RPUSD3: variants seen among roughly 807,000 people sequenced by gnomAD.
RPUSD3 encodes the protein mitochondrial mRNA pseudouridine synthase RPUSD3.
Under a neutral mutation model 35.1 loss-of-function variants are expected in RPUSD3, and 36 were observed. The ratio of observed to expected loss-of-function variants is 1.02; its 90% CI spans 0.79 to 1.35. The LOEUF (loss-of-function observed/expected upper bound fraction) is 1.35. RPUSD3 is among the 40% of genes most tolerant of loss of function. The pLI is 0.00. For synonymous variants in RPUSD3, 202 were observed against 187.8 expected, an observed-to-expected ratio of 1.08 and a Z score of -0.62; for missense variants, 486 against 441.9, an observed-to-expected ratio of 1.10 and a Z score of -0.89.
chr3:9,842,130 T>C (rs1165960006), intron 3 of RPUSD3, 48 bp from the exon 4 acceptor site: 6 of 1,611,892 alleles, frequency 3.7e-6, no homozygotes, highest in Non-Finnish European at 3.4e-6. Context: ...CTTCATGCCT[T>C]CACTTTTCCC....
chr3:9,840,085 T>G (rs1420740714), intron 7 of RPUSD3, 99 bp downstream of exon 7: 3 of 1,472,980 alleles, frequency 2.0e-6, no homozygotes, highest in Non-Finnish European at 2.7e-6. Flanking sequence ...TTTCACCATC[T>G]TGGCCAGACT....
chr3:9,838,155 G>A, exon 9 of RPUSD3: 1 of 1,612,202 alleles, frequency 6.2e-7, no homozygotes. Context: ...GGGCAGCTGG[G>A]CAGCCTGGGA....
At position 9,843,987 on chromosome 3, in the gene RPUSD3, C is replaced by T. The variant is rs753746703; in HGVS notation, c.28G>A (p.Asp10Asn). ...AACCGGCCCAAAACACGGCGGCCGTCCATCTCCCGAGCCAGGACAGCGCGC... is the reference window on the plus strand; with the variant it reads ...AACCGGCCCAAAACACGGCGGCCGTTCATCTCCCGAGCCAGGACAGCGCGC... The change falls in exon 1 of 9, where the codon GAC becomes AAC. Residue 10 changes from aspartate (D) to asparagine (N), a missense_variant. By Grantham distance (23) the Asp-to-Asn change is conservative. Coordinates refer to ENST00000383820, the Ensembl canonical transcript of RPUSD3. The T allele has an allele frequency of 2.5e-6, 4 of 1,598,412 alleles. No individual in the cohort carries two copies. The African/African-American group carries it at 4.0e-5, about 16-fold the overall frequency.
Position 9,839,986 on chromosome 3 carries a change from T to A in RPUSD3, c.724+198A>T, listed in dbSNP as rs959593313. The A allele has an allele frequency of 9.2e-6, 5 of 542,958 alleles. No homozygotes were observed. The African/African-American group carries it at 9.7e-5, about 10-fold the overall frequency. 33.6% of individuals were successfully genotyped at this position (542,958 alleles called of 1,614,324 possible). ...ACTTCTGCCTCCCAGGTTCAAGCGA[T>A]TCTCCTGCCTCAGCCTCCCGAGTAG... is the stretch of plus-strand genomic sequence containing the variant. On this transcript the variant is annotated intron_variant, in intron 7 of 8. Coordinates refer to ENST00000383820, the Ensembl canonical transcript of RPUSD3.
exon 6 of RPUSD3, chr3:9,840,536 T>C: frequency 1.2e-6 from 2 of 1,614,056 alleles, no homozygotes; most frequent in Non-Finnish European, 1.7e-6. Flanking sequence ...ACTCACGAGA[T>C]TGACCCCATC....
intron 7 of RPUSD3, 40 bp downstream of exon 7, chr3:9,840,144 C>G (rs1222683791): frequency 6.3e-7 from 1 of 1,592,752 alleles, no homozygotes; most frequent in Non-Finnish European, 8.6e-7. Flanking sequence ...CCTCCCAAAT[C>G]AAGTGCAGTT....
Position 9,840,449 on chromosome 3 carries a change from C to T in RPUSD3, c.600+83G>A, listed in dbSNP as rs568679847. The T allele has an allele frequency of 2.6e-5, 42 of 1,594,412 alleles. No individual in the cohort carries two copies. In the East Asian group the frequency reaches 9.4e-4, roughly 36 times the overall value. On this transcript the variant is annotated intron_variant, in intron 6 of 8. Coordinates refer to ENST00000383820, the Ensembl canonical transcript of RPUSD3. Reference sequence around the variant, plus strand: ...TGTTTTAGGGGACAGGAGAGCCAGCCATCCCAAATCCATACCCCTGACTCC... The same window carrying T: ...TGTTTTAGGGGACAGGAGAGCCAGCTATCCCAAATCCATACCCCTGACTCC...
intron 4 of RPUSD3, chr3:9,841,653 T>A (rs1246761389): frequency 5.2e-6 from 1 of 192,260 alleles, no homozygotes; most frequent in African/African-American, 2.3e-5. Context: ...TTGTTGTTTT[T>A]CCAGAGATGG....
chr3:9,840,904 AAC>A, intron 4 of RPUSD3, 99 bp from the exon 5 acceptor site: 1 of 779,656 alleles, frequency 1.3e-6, no homozygotes, highest in Non-Finnish European at 2.1e-6. Context: ...GCCAAACACT[AAC>A]ACCAGGACTA....
chr3:9,843,677 C>A (rs756621658), intron 1 of RPUSD3, 76 bp from the exon 2 acceptor site: 51 of 1,571,596 alleles, frequency 3.2e-5, no homozygotes, highest in Non-Finnish European at 4.1e-5. Context: ...GACGCCTCTT[C>A]CCAAATCCTG....
rs573825288 is a variant in RPUSD3 at position 9,840,724 on chromosome 3, T to G, written c.489A>C (p.Arg163Ser). 30 of 1,614,152 alleles carry G rather than the reference T, an allele frequency of 1.9e-5. 1 individual carries two copies. The South Asian group carries it at 3.0e-4, about 16-fold the overall frequency. ...AGTAGGTGGCTGTGGGCCTTTGGGC[T>G]CTCCGTGCATGGGTGAAGTACTTCT... is the stretch of plus-strand genomic sequence containing the variant. Residue 163 changes from arginine (R) to serine (S), a missense_variant, in exon 5 of 9, where the codon AGA (arginine) becomes AGC (serine). Transcript: ENST00000383820.
intron 2 of RPUSD3, 102 bp downstream of exon 2, chr3:9,843,363 A>T: frequency 6.6e-7 from 1 of 1,518,346 alleles, no homozygotes; most frequent in Non-Finnish European, 9.0e-7. Flanking sequence ...TGCTAGTGGG[A>T]GGCAGAAGCA....
chr3:9,840,027 C>A, intron 7 of RPUSD3, 157 bp downstream of exon 7: 1 of 853,678 alleles, frequency 1.2e-6, no homozygotes, highest in East Asian at 3.0e-5. Flanking sequence ...TTTACAGGCG[C>A]CTGCCACCGT....
At chr3:9,842,800 A>AT (rs2082122029) in intron 2 of RPUSD3, 1 of 156,618 alleles carries the variant, frequency 6.4e-6, no homozygotes, top group Admixed American at 6.1e-5. Context: ...AAATTCAGTT[A>AT]TTTTCCTAAA....
At position 9,840,179 on chromosome 3, in the gene RPUSD3, C is replaced by G; in HGVS notation, c.724+5G>C. On this transcript the variant is annotated splice_donor_5th_base_variant and intron_variant, in intron 7 of 8. Transcript: ENST00000383820. The stretch of plus-strand genomic sequence containing the variant: ...TTTAAAGGCTGGCTAGGGTGCCAGA[C>G]CTACCTGTCAGTGGCTGCAGCTGGA... The G allele has an allele frequency of 1.2e-6, 2 of 1,611,470 alleles. No individual in the cohort carries two copies. The highest frequency in any genetic ancestry group is 1.7e-6 in the Non-Finnish European group (2 of 1,178,800).
intron 6 of RPUSD3, 23 bp from the exon 7 acceptor site, chr3:9,840,330 A>C: frequency 6.2e-7 from 1 of 1,614,100 alleles, no homozygotes; most frequent in Non-Finnish European, 8.5e-7. Context: ...CCAAGAGTGA[A>C]CAAGCCTTAC....
chr3:9,840,265 C>G, exon 7 of RPUSD3: 1 of 1,614,198 alleles, frequency 6.2e-7, no homozygotes, highest in African/African-American at 1.3e-5. Flanking sequence ...TTCTTGACAC[C>G]TTCCAGGATG....
In RPUSD3 at chr3:9,838,185, C is replaced by T. The variant is rs1343667563; in HGVS notation, c.887G>A (p.Arg296Lys). The stretch of plus-strand genomic sequence containing the variant: ...CTGGGAGGGGGTCAGGTGGAGGCGT[C>T]TGAGGAGGGCTTCATCCAGGACCTG... Residue 296 changes from arginine to lysine, a missense_variant, in exon 9 of 9, where the codon AGA becomes AAA. Arg to Lys is a conservative substitution (Grantham distance 26, BLOSUM62 2). Coordinates refer to ENST00000383820, the Ensembl canonical transcript of RPUSD3. The T allele has an allele frequency of 6.8e-6, 11 of 1,612,016 alleles. No homozygotes were observed. Among genetic ancestry groups the T allele is most frequent in the Middle Eastern group, 4.5e-4 (2 of 4,440 alleles).
At chr3:9,841,838 G>C in intron 4 of RPUSD3, 145 bp downstream of exon 4, 1 of 698,974 alleles carries the variant, frequency 1.4e-6, no homozygotes, top group Non-Finnish European at 2.5e-6. Flanking sequence ...AGAGCCATCG[G>C]CTTCCTCTTC....
Sources: allele counts gnomAD v4.1 joint callset, GRCh38; gene constraint gnomAD v4.1.1; transcripts MANE v1.5; gene names NCBI Gene and HGNC (gene_info 2026-07-23, HGNC 2026-07-21).